The following TPRG1 variants were observed in gnomAD, a reference collection of about 807,000 sequenced individuals.
TPRG1 encodes tumor protein p63 regulated 1.
A neutral mutation model predicts 29.3 loss-of-function variants in TPRG1; 29 were observed. That is an observed-to-expected ratio of 0.99 (90% CI 0.74 to 1.35). The LOEUF (loss-of-function observed/expected upper bound fraction) is 1.35, where lower values mean the gene tolerates loss of function less well. Ranked by LOEUF, TPRG1 falls within the 40% of genes most tolerant of loss-of-function variation. The probability of loss-of-function intolerance (pLI) is 0.00; values close to 1 mark genes in which losing one functional copy is unlikely to be tolerated. For synonymous variants in TPRG1, 130 were observed against 116.8 expected (o/e 1.11, Z -0.73); for missense variants, 327 against 335.0 (o/e 0.98, Z 0.19).
chr3:189,216,326 G>T (rs1458492113), intron 3 of TPRG1, among the ~76,000 whole-genome samples: 1 of 148,830 alleles, frequency 6.7e-6, no homozygotes, highest in Non-Finnish European at 1.5e-5. Context: ...TGTCTTGTTA[G>T]ACTAAGTTTC....
chr3:189,264,784 C>T lies in TPRG1; in HGVS notation c.479+25875C>T, dbSNP rs185546532. ...TTCCTAAACAGTAACTCCCTGATTT[C>T]TTATCCCTTCCTTCCCCAAATATTC... On this transcript the variant is annotated intron_variant, in intron 4 of 5. Coordinates refer to ENST00000345063, the MANE Select transcript of TPRG1 (RefSeq NM_198485.4). Among the ~76,000 whole-genome samples the T allele has an allele frequency of 6.0e-3, 919 of 152,312 alleles. 3 individuals are homozygous for T. Among genetic ancestry groups the T allele is most frequent in the Non-Finnish European group, 0.011 (732 of 68,024 alleles).
chr3:189,315,019 A>G (rs890821923), intron 5 of TPRG1, among the ~76,000 whole-genome samples: 2 of 152,102 alleles, frequency 1.3e-5, no homozygotes, highest in African/African-American at 4.8e-5. Context: ...CATTCCAGTT[A>G]CCTATAATCC....
At chr3:189,018,124 A>T (rs907273006) in intron 3 of TPRG1, among the ~76,000 whole-genome samples, 1 of 151,940 alleles carries the variant, frequency 6.6e-6, no homozygotes, top group Non-Finnish European at 1.5e-5. Flanking sequence ...TAGATTCTGG[A>T]TATTAGCCCT....
At chr3:189,066,735 A>G (rs1467176776) in intron 4 of TPRG1, among the ~76,000 whole-genome samples, 4 of 152,144 alleles carry the variant, frequency 2.6e-5, no homozygotes, top group African/African-American at 9.6e-5. Context: ...GGAAAAACTG[A>G]AAGCCTTTCA....
intron 1 of TPRG1, among the ~76,000 whole-genome samples, chr3:189,107,880 A>G (rs1205199433): frequency 6.6e-6 from 1 of 152,076 alleles, no homozygotes; most frequent in Non-Finnish European, 1.5e-5. Flanking sequence ...TATGGAAGAG[A>G]AATTTCTTAT....
intron 4 of TPRG1, among the ~76,000 whole-genome samples, chr3:189,094,805 G>T (rs1718567519): frequency 1.3e-5 from 2 of 152,176 alleles, no homozygotes; most frequent in African/African-American, 4.8e-5. Context: ...GGAGGTGAGA[G>T]AACTCCATAA....
chr3:189,173,148 T>G (rs1729029083), intron 1 of TPRG1, among the ~76,000 whole-genome samples: 1 of 152,090 alleles, frequency 6.6e-6, no homozygotes. Flanking sequence ...CTCAAAAGGT[T>G]ATATCATTCT....
intron 4 of TPRG1, among the ~76,000 whole-genome samples, chr3:189,299,678 G>A (rs1202753777): frequency 1.3e-5 from 2 of 148,544 alleles, no homozygotes; most frequent in Admixed American, 1.3e-4. Flanking sequence ...ATGTCCAACC[G>A]ATTTGACCAT....
chr3:189,182,087 C>G (rs948869910), intron 1 of TPRG1, among the ~76,000 whole-genome samples: 6 of 152,190 alleles, frequency 3.9e-5, no homozygotes, highest in Admixed American at 2.6e-4. Flanking sequence ...CAATTACCTC[C>G]CACTGGGTTC....
intron 3 of TPRG1, chr3:189,218,042 T>C: frequency 5.1e-6 from 5 of 985,224 alleles, no homozygotes; most frequent in Non-Finnish European, 6.0e-6. Context: ...TTGCTTCCCA[T>C]TTATTTAGTT....
chr3:189,303,141 G>T (rs954037075), intron 4 of TPRG1, among the ~76,000 whole-genome samples: 13 of 152,152 alleles, frequency 8.5e-5, no homozygotes, highest in Admixed American at 2.0e-4. Flanking sequence ...TATATTTGGT[G>T]AATTTAAGGA....
chr3:189,229,059 A>T (rs1382420852), intron 3 of TPRG1, among the ~76,000 whole-genome samples: 3 of 152,216 alleles, frequency 2.0e-5, no homozygotes, highest in Non-Finnish European at 4.4e-5. Flanking sequence ...TACAAATCGC[A>T]CAAACATGTA....
At chr3:189,092,662 G>C (rs1718415637) in intron 4 of TPRG1, among the ~76,000 whole-genome samples, 1 of 152,100 alleles carries the variant, frequency 6.6e-6, no homozygotes, top group Non-Finnish European at 1.5e-5. Context: ...GGAGCAATGT[G>C]AGGATTCTAC....
intron 5 of TPRG1, among the ~76,000 whole-genome samples, chr3:189,161,471 T>G (rs572762310): frequency 9.6e-6 from 1 of 103,906 alleles, no homozygotes; most frequent in Non-Finnish European, 1.8e-5. Context: ...GTTCTTTTTT[T>G]TTATTATTAT....
chr3:189,315,865 T>C (rs947302320), intron 5 of TPRG1, among the ~76,000 whole-genome samples: 1 of 152,160 alleles, frequency 6.6e-6, no homozygotes, highest in Non-Finnish European at 1.5e-5. Context: ...TCACAAATTA[T>C]AATTTAAAGT....
At chr3:189,137,678 G>A (rs1334100049) in intron 3 of TPRG1, among the ~76,000 whole-genome samples, 2 of 152,142 alleles carry the variant, frequency 1.3e-5, no homozygotes, top group African/African-American at 4.8e-5. Context: ...GTGAGCGGGA[G>A]AGAGAGGCAG....
chr3:189,078,742 A>G (rs529043951), intron 4 of TPRG1, among the ~76,000 whole-genome samples: 22 of 152,218 alleles, frequency 1.4e-4, no homozygotes, highest in Non-Finnish European at 2.4e-4. Flanking sequence ...GTTTAAATAC[A>G]TTGGCTCCAC....
At chr3:189,120,928 AT>A (rs1406390775) in intron 1 of TPRG1, among the ~76,000 whole-genome samples, 1 of 152,232 alleles carries the variant, frequency 6.6e-6, no homozygotes, top group Admixed American at 6.5e-5. Context: ...AAGTGGGAAA[AT>A]TTAGATAAAT....
At chr3:189,262,069 T>C (rs1456418238) in intron 4 of TPRG1, among the ~76,000 whole-genome samples, 5 of 151,816 alleles carry the variant, frequency 3.3e-5, no homozygotes, top group South Asian at 2.1e-4. Context: ...ATATAAGAGA[T>C]AGTTTGGAGA....
Sources: gnomAD v4.1 joint callset for allele counts (sites outside exome capture counted in the v4.1 genomes callset) on GRCh38, gnomAD v4.1.1 for gene constraint, MANE v1.5 for transcripts, NCBI Gene and HGNC (gene_info 2026-07-23, HGNC 2026-07-21) for gene names.